The following SH3KBP1 variants were observed in gnomAD, a reference collection of about 807,000 sequenced individuals.
SH3KBP1 encodes SH3 domain containing kinase binding protein 1, also known as SH3 domain-containing kinase-binding protein 1.
SH3KBP1 carries 8 observed loss-of-function variants against 50.1 expected under a neutral mutation model. The ratio of observed to expected loss-of-function variants is 0.16; its 90% CI spans 0.09 to 0.29. The LOEUF is 0.29. SH3KBP1 is among the 10% of genes least tolerant of loss of function. The pLI, the probability that SH3KBP1 is intolerant of heterozygous loss-of-function variation, is 1.00. For missense variants in SH3KBP1, 377 were observed against 535.2 expected, an observed-to-expected ratio of 0.70 and a Z score of 2.92; for synonymous variants, 227 against 218.6, an observed-to-expected ratio of 1.04 and a Z score of -0.34.
At chrX:19,563,654 C>T (rs1274386448) in intron 13 of SH3KBP1, among the ~76,000 whole-genome samples, 2 of 112,306 alleles carry the variant, frequency 1.8e-5, no homozygotes, top group African/African-American at 3.2e-5. Flanking sequence ...AGTTTGATCA[C>T]GATTTGTGTC....
chrX:19,887,219 G>A (rs2069619961), intron 1 of SH3KBP1, 88 bp downstream of exon 1: 5 of 829,705 alleles, frequency 6.0e-6, no homozygotes, highest in Non-Finnish European at 7.6e-6. Flanking sequence ...CTGCCCCCGG[G>A]GCGCCCTCCC....
chrX:19,812,665 CAAAA>C (rs57012379), intron 2 of SH3KBP1, among the ~76,000 whole-genome samples: 209 of 35,282 alleles, frequency 5.9e-3, no homozygotes, highest in African/African-American at 0.014. Flanking sequence ...CCCGTCTCTA[CAAAA>C]AAAAAAAAAA....
At chrX:19,797,993 AAC>A (rs370660005) in intron 2 of SH3KBP1, among the ~76,000 whole-genome samples, 1 of 111,318 alleles carries the variant, frequency 9.0e-6, no homozygotes, top group African/African-American at 3.3e-5. Flanking sequence ...TAAATGAAAC[AAC>A]ACAATGGAAA....
At chrX:19,788,653 G>C (rs969694621) in intron 2 of SH3KBP1, among the ~76,000 whole-genome samples, 3 of 111,858 alleles carry the variant, frequency 2.7e-5, no homozygotes, top group African/African-American at 9.8e-5. Context: ...TTTGGCAGCA[G>C]AATCCTTGTC....
rs953180670 is a variant in SH3KBP1, at chrX:19,687,506, C to T, written c.521-3478G>A. 1.4e-4 allele frequency: 84 copies of T among 606,043 alleles called. 1 individual carries two copies. Among genetic ancestry groups the T allele is most frequent in the Non-Finnish European group, 1.1e-4 (42 of 365,862 alleles). The allele number at this position is 606,043 out of a possible 1,213,427, so 49.9% of individuals were successfully genotyped here. A position where few individuals can be genotyped will look rare whatever the true frequency, so the allele number is the denominator to read the frequency against. On this transcript the variant is annotated intron_variant, in intron 5 of 17. Coordinates refer to ENST00000397821, the MANE Select transcript of SH3KBP1 (RefSeq NM_031892.3). ...TCCATGTCCTTGGATCAGAAATTCA[C>T]ACAGACACTTGGCATAAGCATGAGC...
intron 2 of SH3KBP1, among the ~76,000 whole-genome samples, chrX:19,833,236 C>A (rs1463351460): frequency 9.4e-6 from 1 of 105,929 alleles, no homozygotes. Context: ...GTCCTTCTTG[C>A]CTTCCCACAT....
intron 3 of SH3KBP1, among the ~76,000 whole-genome samples, chrX:19,712,797 G>A (rs2063809595): frequency 9.0e-6 from 1 of 111,700 alleles, no homozygotes; most frequent in South Asian, 3.7e-4. Flanking sequence ...GCTGCACTGA[G>A]AAGGACCTAT....
intron 6 of SH3KBP1, among the ~76,000 whole-genome samples, chrX:19,682,950 AC>A (rs2148589725): frequency 9.1e-6 from 1 of 110,312 alleles, no homozygotes; most frequent in Admixed American, 9.7e-5. Context: ...CCACCCATAA[AC>A]CTGAATTAGA....
chrX:19,720,497 C>T (rs1048436840), intron 3 of SH3KBP1, among the ~76,000 whole-genome samples: 4 of 112,079 alleles, frequency 3.6e-5, no homozygotes, highest in African/African-American at 1.3e-4. Context: ...TACTTTTAAA[C>T]GCTCCATGCA....
chrX:19,561,443 CA>C lies in SH3KBP1; in HGVS notation c.1384+7659del, dbSNP rs202117806. On this transcript the variant is annotated intron_variant, in intron 13 of 17. Coordinates refer to ENST00000397821, the MANE Select transcript of SH3KBP1 (RefSeq NM_031892.3). The stretch of plus-strand genomic sequence containing the variant: ...AAATTACAAGTAATCCTATCTCTAT[CA>C]AAAAAAAAAGTTAATCTGCTAATTG... Among the ~76,000 whole-genome samples, 68 of 107,768 alleles carry C rather than the reference CA, an allele frequency of 6.3e-4. No homozygotes were observed. The South Asian group carries it at 0.012, about 19-fold the overall frequency. 93.6% of individuals were successfully genotyped at this position (107,768 alleles called of 115,157 possible).
intron 12 of SH3KBP1, chrX:19,588,215 C>G: frequency 1.8e-6 from 1 of 558,040 alleles, no homozygotes; most frequent in Admixed American, 4.7e-5. Context: ...TGGAAAGAAG[C>G]CCTGCAGAGC....
intron 4 of SH3KBP1, among the ~76,000 whole-genome samples, chrX:19,703,704 G>C (rs1202399918): frequency 4.2e-4 from 20 of 47,792 alleles, no homozygotes; most frequent in African/African-American, 1.9e-3. Context: ...AACTGTGTGT[G>C]TGTGTGTGTG....
intron 3 of SH3KBP1, among the ~76,000 whole-genome samples, chrX:19,709,857 T>G (rs1034254173): frequency 4.5e-5 from 5 of 111,849 alleles, no homozygotes; most frequent in Non-Finnish European, 9.4e-5. Flanking sequence ...TCATTTGTCA[T>G]TTTTTTCCTC....
At chrX:19,623,167 G>T (rs1569352009) in intron 8 of SH3KBP1, among the ~76,000 whole-genome samples, 3 of 110,840 alleles carry the variant, frequency 2.7e-5, no homozygotes, top group African/African-American at 9.9e-5. Context: ...GGACAAAGAG[G>T]GTTATTATAA....
intron 11 of SH3KBP1, among the ~76,000 whole-genome samples, chrX:19,590,601 C>G (rs1195283957): frequency 9.1e-6 from 1 of 109,439 alleles, no homozygotes; most frequent in Non-Finnish European, 1.9e-5. Context: ...AGCCATGTGT[C>G]CTCCATGAGG....
chrX:19,756,531 C>T (rs749818734), intron 2 of SH3KBP1, among the ~76,000 whole-genome samples: 74 of 109,240 alleles, frequency 6.8e-4, no homozygotes, highest in African/African-American at 2.3e-3. Flanking sequence ...GAGAGCCTCA[C>T]ATACTTTCTA....
At chrX:19,807,946 T>C (rs1386822427) in intron 2 of SH3KBP1, among the ~76,000 whole-genome samples, 1 of 112,261 alleles carries the variant, frequency 8.9e-6, no homozygotes. Flanking sequence ...GGAACTGATA[T>C]TAATCTAGTC....
intron 14 of SH3KBP1, 40 bp downstream of exon 14, chrX:19,549,934 T>C (rs745745864): frequency 3.9e-5 from 38 of 986,781 alleles, no homozygotes; most frequent in Non-Finnish European, 5.1e-5. Flanking sequence ...TTTTCCGCTG[T>C]AGAGAAGTAA....
rs766818088 is a variant in SH3KBP1, at chrX:19,546,318, A to G, written c.1495-268T>C. 6.2e-5 allele frequency among the ~76,000 whole-genome samples: 7 copies of G among 112,191 alleles called. No individual in the cohort carries two copies. The East Asian group carries it at 2.0e-3, about 32-fold the overall frequency. Reference sequence around the variant, plus strand: ...AATCACTTCATCCTTGCAAGCATCCATCGTCCATCCTTTCCTGCTCCTTCC... The same window carrying G: ...AATCACTTCATCCTTGCAAGCATCCGTCGTCCATCCTTTCCTGCTCCTTCC... On this transcript the variant is annotated intron_variant, in intron 14 of 17. Coordinates refer to ENST00000397821, the MANE Select transcript of SH3KBP1 (RefSeq NM_031892.3).
Sources: gnomAD v4.1 joint callset for allele counts (sites outside exome capture counted in the v4.1 genomes callset) on GRCh38, gnomAD v4.1.1 for gene constraint, MANE v1.5 for transcripts, NCBI Gene and HGNC (gene_info 2026-07-23, HGNC 2026-07-21) for gene names.